Variants in STK3 observed in about 807,000 individuals in gnomAD.
The protein encoded by STK3 is serine/threonine kinase 3, also known as serine/threonine-protein kinase 3.
In STK3, 41 loss-of-function variants were observed where a neutral mutation model predicts 58.0. That is an observed-to-expected ratio of 0.71 (90% CI 0.55 to 0.92). The LOEUF is 0.92. Ranked by LOEUF, STK3 falls within the 40% of genes least tolerant of loss-of-function variation. The probability of loss-of-function intolerance (pLI) is 0.00; values close to 1 mark genes in which losing one functional copy is unlikely to be tolerated. For missense variants in STK3, 479 were observed against 602.7 expected (o/e 0.79, Z 2.15); for synonymous variants, 170 against 191.0 (o/e 0.89, Z 0.91).
intron 1 of STK3, chr8:98,379,298 T>G (rs1410308264): frequency 6.6e-6 from 1 of 152,252 alleles, no homozygotes; most frequent in African/African-American, 2.4e-5. Context: ...TTTGCTTAAG[T>G]GCCCTAAGTA....
At chr8:98,621,413 G>C (rs1321646360) in intron 6 of STK3, among the ~76,000 whole-genome samples, 1 of 151,820 alleles carries the variant, frequency 6.6e-6, no homozygotes, top group Non-Finnish European at 1.5e-5. Flanking sequence ...TTGCCTTTTT[G>C]AGCTGGCAAG....
intron 6 of STK3, among the ~76,000 whole-genome samples, chr8:98,619,329 G>T (rs1451545643): frequency 6.6e-6 from 1 of 151,812 alleles, no homozygotes; most frequent in Non-Finnish European, 1.5e-5. Context: ...ATGGAGTAAA[G>T]ATTTAAACGT....
chr8:98,415,795 A>G (rs1818108556), intron 3 of STK3, among the ~76,000 whole-genome samples: 1 of 152,210 alleles, frequency 6.6e-6, no homozygotes, highest in Admixed American at 6.5e-5. Context: ...TGAAATTCCA[A>G]AGTAATCTAA....
chr8:98,872,970 G>T (rs1471429083), intron 3 of STK3, among the ~76,000 whole-genome samples: 1 of 152,058 alleles, frequency 6.6e-6, no homozygotes, highest in African/African-American at 2.4e-5. Context: ...TCTCTTGTGG[G>T]TATTTAGTGC....
intron 3 of STK3, among the ~76,000 whole-genome samples, chr8:98,433,116 GT>G (rs1818366055): frequency 6.6e-6 from 1 of 152,136 alleles, no homozygotes; most frequent in Non-Finnish European, 1.5e-5. Flanking sequence ...AGGAGAAGCT[GT>G]TGTTTATTCT....
chr8:98,375,471 A>C (rs1184731931), intron 2 of STK3, among the ~76,000 whole-genome samples: 1 of 152,120 alleles, frequency 6.6e-6, no homozygotes, highest in Non-Finnish European at 1.5e-5. Flanking sequence ...GAATTTTAAC[A>C]TACAGATTCA....
rs941565557 is a variant in STK3, at chr8:98,715,635, A to G, written c.352-8324T>C. 9.8e-3 allele frequency among the ~76,000 whole-genome samples: 1,490 copies of G among 152,162 alleles called. 13 individuals carry two copies. The highest frequency in any genetic ancestry group is 0.014 in the Non-Finnish European group (949 of 67,968). On this transcript the variant is annotated intron_variant, in intron 4 of 10. Transcript: ENST00000419617. ...ATCATTAAAAAGTCAGGAAACAACA[A>G]GCGCTGGAGAGGATGTGGAGAAATA... is the stretch of plus-strand genomic sequence containing the variant.
At position 98,598,438 on chromosome 8, in the gene STK3, G is replaced by A. The variant is rs368735952; in HGVS notation, c.685-2269C>T. The A allele has an allele frequency of 5.4e-4, 529 of 979,766 alleles. 4 individuals are homozygous for A. The South Asian group carries it at 9.5e-3, about 18-fold the overall frequency. The allele number at this position is 979,766 out of a possible 1,614,324, so 60.7% of individuals were successfully genotyped here. On this transcript the variant is annotated intron_variant, in intron 6 of 10. Transcript: ENST00000419617. ...ACAGTCCAAACAAATAAGTCTTAGC[G>A]TATGATCTACACCAAAATGTCTCCA...
chr8:98,404,409 G>T (rs1817973694), intron 3 of STK3, among the ~76,000 whole-genome samples: 1 of 152,082 alleles, frequency 6.6e-6, no homozygotes, highest in South Asian at 2.1e-4. Context: ...GGCTGGGTGT[G>T]GTGGCTCACG....
At chr8:98,668,376 A>C (rs1409468217) in intron 6 of STK3, among the ~76,000 whole-genome samples, 1 of 152,224 alleles carries the variant, frequency 6.6e-6, no homozygotes, top group Non-Finnish European at 1.5e-5. Context: ...TCTTTCAGAC[A>C]GTTCAAAGTT....
intron 1 of STK3, among the ~76,000 whole-genome samples, chr8:98,909,309 A>C (rs1268082802): frequency 6.6e-6 from 1 of 152,176 alleles, no homozygotes; most frequent in African/African-American, 2.4e-5. Flanking sequence ...CCTTTTTTTC[A>C]GTAGATAATC....
intron 6 of STK3, among the ~76,000 whole-genome samples, chr8:98,634,209 T>G (rs958551104): frequency 1.3e-5 from 2 of 152,062 alleles, no homozygotes; most frequent in African/African-American, 4.8e-5. Flanking sequence ...GGCAGAAGAT[T>G]GGGCCAGGCA....
intron 6 of STK3, among the ~76,000 whole-genome samples, chr8:98,618,581 A>T (rs1396770856): frequency 1.4e-5 from 2 of 147,998 alleles, no homozygotes; most frequent in East Asian, 2.0e-4. Context: ...TCTCAGCCCA[A>T]AATCTCCTTA....
chr8:98,427,809 CT>C, intron 3 of STK3: 1 of 598,650 alleles, frequency 1.7e-6, no homozygotes. Context: ...CCCTCAAACT[CT>C]TGCCCCAGCC....
chr8:98,731,466 T>G (rs1326541759), intron 4 of STK3, among the ~76,000 whole-genome samples: 1 of 152,120 alleles, frequency 6.6e-6, no homozygotes. Flanking sequence ...ACGCCTGCAA[T>G]CCTAGCACTT....
chr8:98,666,176 G>T (rs2130814248), intron 6 of STK3, among the ~76,000 whole-genome samples: 1 of 150,324 alleles, frequency 6.7e-6, no homozygotes, highest in East Asian at 2.0e-4. Flanking sequence ...TGACACAATG[G>T]TTTTTGTAAA....
At chr8:98,436,891 C>T (rs577412811) in intron 2 of STK3, 1 of 152,304 alleles carries the variant, frequency 6.6e-6, no homozygotes, top group Non-Finnish European at 1.5e-5. Context: ...ACCCACCGGA[C>T]CAGGTGTCAC....
chr8:98,352,230 T>G, the STK3 span, among the ~76,000 whole-genome samples: 1 of 151,960 alleles, frequency 6.6e-6, no homozygotes, highest in Non-Finnish European at 1.5e-5. Context: ...ATAGGAACAT[T>G]TTGGCTTCAA....
intron 8 of STK3, among the ~76,000 whole-genome samples, chr8:98,569,911 AT>A (rs1459761279): frequency 6.7e-6 from 1 of 149,884 alleles, no homozygotes; most frequent in Non-Finnish European, 1.5e-5. Flanking sequence ...AAAAAAAAAA[AT>A]ATGTGTGTGT....
Sources: gnomAD v4.1 joint callset for allele counts (sites outside exome capture counted in the v4.1 genomes callset) on GRCh38, gnomAD v4.1.1 for gene constraint, MANE v1.5 for transcripts, NCBI Gene and HGNC (gene_info 2026-07-23, HGNC 2026-07-21) for gene names.